Variants in IL3RA observed in about 807,000 individuals in gnomAD.
IL3RA encodes interleukin-3 receptor subunit alpha.
IL3RA carries 73 observed loss-of-function variants against 52.3 expected under a neutral mutation model. That is an observed-to-expected ratio of 1.40 (90% confidence interval 1.16 to 1.70). The LOEUF (loss-of-function observed/expected upper bound fraction) is 1.70, where lower values mean the gene tolerates loss of function less well. IL3RA is among the 40% of genes most tolerant of loss of function. IL3RA has a pLI of 0.00. For synonymous variants in IL3RA, 260 were observed against 194.0 expected (o/e 1.34, Z -2.83); for missense variants, 664 against 504.4 (o/e 1.32, Z -3.03).
At position 1,382,554 on chromosome X, in the gene IL3RA, C is replaced by T; in HGVS notation, c.*89C>T. On this transcript the variant is annotated 3_prime_UTR_variant, in exon 12 of 12. Transcript: ENST00000331035. ...AGACTGGCTGCTGGACCTGCGCACGCAGCCCAGGAATGGACATTCCTAACG... is the reference window on the plus strand; with the variant it reads ...AGACTGGCTGCTGGACCTGCGCACGTAGCCCAGGAATGGACATTCCTAACG... 8.1e-7 allele frequency: 1 copy of T among 1,231,212 alleles called. No individual in the cohort carries two copies. The highest frequency in any genetic ancestry group is 2.3e-5 in the East Asian group (1 of 43,148). The allele number at this position is 1,231,212 out of a possible 1,614,324, so 76.3% of individuals were successfully genotyped here.
intron 2 of IL3RA, among the ~76,000 whole-genome samples, chrX:1,343,609 G>T (rs1404667150): frequency 6.9e-6 from 1 of 144,924 alleles, no homozygotes; most frequent in Non-Finnish European, 1.5e-5. Flanking sequence ...GGAGGTTGCC[G>T]TGAGCCAAGA....
intron 8 of IL3RA, among the ~76,000 whole-genome samples, chrX:1,360,356 ATCTCTC>A (rs771602134): frequency 1.8e-5 from 2 of 109,990 alleles, no homozygotes; most frequent in African/African-American, 6.7e-5. Context: ...CCCTCTCTTT[ATCTCTC>A]TCTCTCTCTC....
At position 1,382,515 on chromosome X, in the gene IL3RA, C is replaced by CCAGTCTGTG; in HGVS notation, c.*53_*54insTCTGTGCAG. ...GTCTGCCTCAATCTCCCTGGCCGGG[C>CCAGTCTGTG]CAGGCGCCTGCACAGACTGGCTGCT... is the stretch of plus-strand genomic sequence containing the variant. On this transcript the variant is annotated 3_prime_UTR_variant, in exon 12 of 12. Coordinates refer to ENST00000331035, the MANE Select transcript of IL3RA (RefSeq NM_002183.4). The CCAGTCTGTG allele has an allele frequency of 3.2e-6, 5 of 1,556,586 alleles. No individual in the cohort carries two copies. The highest frequency in any genetic ancestry group is 2.2e-5 in the East Asian group (1 of 44,594).
Position 1,382,480 on chromosome X carries a change from G to C in IL3RA, c.*15G>C. ...AGAAAACTTGAGACTGGGGTTCAGG[G>C]CTTGTGGGGGTCTGCCTCAATCTCC... is the stretch of plus-strand genomic sequence containing the variant. On this transcript the variant is annotated 3_prime_UTR_variant, in exon 12 of 12. Transcript: ENST00000331035. 6.2e-7 allele frequency: 1 copy of C among 1,612,216 alleles called. No homozygotes were observed. The highest frequency in any genetic ancestry group is 8.5e-7 in the Non-Finnish European group (1 of 1,178,544).
At chrX:1,342,999 C>A (rs1200862821) in intron 2 of IL3RA, among the ~76,000 whole-genome samples, 1 of 151,558 alleles carries the variant, frequency 6.6e-6, no homozygotes, top group Admixed American at 6.6e-5. Flanking sequence ...CGCTTGAACC[C>A]GGGAGGAGGA....
chrX:1,347,042 T>C (rs1404074166), intron 3 of IL3RA, among the ~76,000 whole-genome samples: 3 of 121,930 alleles, frequency 2.5e-5, no homozygotes, highest in Admixed American at 8.6e-5. Flanking sequence ...ACACAAATGC[T>C]GAAAAAAAAA....
intron 2 of IL3RA, among the ~76,000 whole-genome samples, chrX:1,344,734 C>T (rs1242464766): frequency 6.6e-6 from 1 of 151,552 alleles, no homozygotes; most frequent in East Asian, 1.9e-4. Context: ...GATCGTGCCA[C>T]TGCACTCCAG....
Position 1,348,322 on chromosome X carries a change from C to T in IL3RA, c.184-109C>T, listed in dbSNP as rs1201202784. On this transcript the variant is annotated intron_variant, in intron 3 of 11. Coordinates refer to ENST00000331035, the MANE Select transcript of IL3RA (RefSeq NM_002183.4). ...GAGCCGAGATCACGCCACTGCACTC[C>T]AGCGTGGGCGACGAGAGCGAAACTC... The T allele has an allele frequency of 3.7e-5, 31 of 845,206 alleles. No individual in the cohort carries two copies. In the Middle Eastern group the frequency reaches 9.7e-4, roughly 27 times the overall value. The allele number at this position is 845,206 out of a possible 1,614,324, so 52.4% of individuals were successfully genotyped here.
chrX:1,380,050 A>G (rs1187482204), intron 10 of IL3RA, among the ~76,000 whole-genome samples: 1 of 151,996 alleles, frequency 6.6e-6, no homozygotes, highest in Admixed American at 6.6e-5. Flanking sequence ...GTGAGCCACC[A>G]TGCCCGGATA....
chrX:1,348,401 G>A, intron 3 of IL3RA, 30 bp from the exon 4 acceptor site: 1 of 1,506,422 alleles, frequency 6.6e-7, no homozygotes, highest in Non-Finnish European at 9.2e-7. Flanking sequence ...TGGTCTGTCA[G>A]CAGCCATCAT....
chrX:1,359,788 T>C (rs28760278), intron 8 of IL3RA, among the ~76,000 whole-genome samples: 6 of 135,712 alleles, frequency 4.4e-5, no homozygotes, highest in Admixed American at 7.4e-5. Flanking sequence ...CCCTCCCTCT[T>C]TTATTCTCCC....
chrX:1,358,854 G>A lies in IL3RA; in HGVS notation c.733-7G>A. 6.2e-7 allele frequency: 1 copy of A among 1,613,364 alleles called. No individual in the cohort carries two copies. The highest frequency in any genetic ancestry group is 1.7e-5 in the Admixed American group (1 of 59,888). On this transcript the variant is annotated splice_polypyrimidine_tract_variant and splice_region_variant and intron_variant, in intron 7 of 11. Transcript: ENST00000331035. ...CACTCAAAAGTTTGCTTGCTTTTGT[G>A]TTGCAGAGAATGCAGCCTGTAATCA...
At position 1,378,728 on chromosome X, in the gene IL3RA, T is replaced by C. The variant is rs2088975364; in HGVS notation, c.944T>C (p.Leu315Pro). Residue 315 changes from leucine (L) to proline (P), a missense_variant, in exon 10 of 12, where the codon CTG (leucine) becomes CCG (proline). Transcript: ENST00000331035. Reference sequence around the variant, plus strand: ...TCGCTGCTGATCGCGCTGGGGACGCTGCTGGCCCTGGTCTGTGTCTTCGTG... The same window carrying C: ...TCGCTGCTGATCGCGCTGGGGACGCCGCTGGCCCTGGTCTGTGTCTTCGTG... ...RTSLLIALGT[L>P]LALVCVFVIC... 6.2e-7 allele frequency: 1 copy of C among 1,612,540 alleles called. No homozygotes were observed. Among genetic ancestry groups the C allele is most frequent in the Non-Finnish European group, 8.5e-7 (1 of 1,179,846 alleles).
chrX:1,348,862 T>G (rs1479851277), intron 4 of IL3RA, among the ~76,000 whole-genome samples: 1 of 102,958 alleles, frequency 9.7e-6, no homozygotes, highest in African/African-American at 4.7e-5. Flanking sequence ...CCCTACTTCC[T>G]CTCTCTCCTT....
At chrX:1,348,726 TTC>T (rs375344132) in intron 4 of IL3RA, among the ~76,000 whole-genome samples, 181 bp downstream of exon 4, 936 of 64,908 alleles carry the variant, frequency 0.014, 56 homozygotes, top group African/African-American at 0.093. Context: ...CTTTCTTCCT[TTC>T]TTTTTCTTTC....
chrX:1,380,961 G>C (rs1281321205), intron 10 of IL3RA, 62 bp from the exon 11 acceptor site: 10 of 1,375,464 alleles, frequency 7.3e-6, no homozygotes, highest in Non-Finnish European at 9.4e-6. Context: ...GACACGCTGT[G>C]TCCCAGATGA....
In IL3RA at chrX:1,352,648, G is replaced by C. The variant is rs765744407; in HGVS notation, c.616+142G>C. The C allele has an allele frequency of 6.6e-6, 6 of 904,108 alleles. No individual in the cohort carries two copies. The South Asian group carries it at 1.0e-4, about 16-fold the overall frequency. The allele number at this position is 904,108 out of a possible 1,614,324, so 56.0% of individuals were successfully genotyped here. On this transcript the variant is annotated intron_variant, in intron 6 of 11. Coordinates refer to ENST00000331035, the MANE Select transcript of IL3RA (RefSeq NM_002183.4). ...TCCAGAGGCTGGACGTTGGAGGTCA[G>C]CGTGCTGGCTGGCTGGGCTCCTCGG...
At chrX:1,356,419 C>T (rs749248006) in intron 7 of IL3RA, 83 bp downstream of exon 7, 5 of 772,492 alleles carry the variant, frequency 6.5e-6, no homozygotes, top group Admixed American at 5.2e-5. Context: ...GGCCTTGAAA[C>T]GGGCAACAAT....
intron 4 of IL3RA, among the ~76,000 whole-genome samples, chrX:1,349,233 G>A (rs774530196): frequency 6.7e-6 from 1 of 150,214 alleles, no homozygotes; most frequent in Non-Finnish European, 1.5e-5. Flanking sequence ...CCAGGCTGGA[G>A]TGCACTGGCG....
Sources: allele counts gnomAD v4.1 joint callset (sites outside exome capture counted in the v4.1 genomes callset), GRCh38; gene constraint gnomAD v4.1.1; transcripts MANE v1.5; gene names NCBI Gene and HGNC (gene_info 2026-07-23, HGNC 2026-07-21).